The following NELL2 variants were observed in gnomAD, a reference collection of about 807,000 sequenced individuals.
NELL2 encodes the protein protein kinase C-binding protein NELL2.
A neutral mutation model predicts 109.6 loss-of-function variants in NELL2; 41 were observed. The observed-to-expected ratio is 0.37, with a 90% CI of 0.29 to 0.49. The LOEUF (loss-of-function observed/expected upper bound fraction) is 0.49, where lower values mean the gene tolerates loss of function less well. Among genes scored for constraint, NELL2 ranks in the 20% least tolerant of loss-of-function variants. NELL2 has a pLI of 0.98. For synonymous variants in NELL2, 355 were observed against 344.7 expected, an observed-to-expected ratio of 1.03 and a Z score of -0.33; for missense variants, 900 against 1,008.3, an observed-to-expected ratio of 0.89 and a Z score of 1.45.
At chr12:44,646,197 C>G (rs999973512) in intron 13 of NELL2, among the ~76,000 whole-genome samples, 1 of 152,080 alleles carries the variant, frequency 6.6e-6, no homozygotes, top group African/African-American at 2.4e-5. Context: ...CTCATCTAAT[C>G]CTTACAGCAA....
intron 15 of NELL2, among the ~76,000 whole-genome samples, chr12:44,533,010 C>T (rs1429304105): frequency 6.6e-6 from 1 of 152,158 alleles, no homozygotes; most frequent in Admixed American, 6.5e-5. Context: ...AATATTTTAG[C>T]TCTTCTAGAC....
At chr12:44,729,607 A>T (rs1939262303) in intron 9 of NELL2, among the ~76,000 whole-genome samples, 1 of 151,514 alleles carries the variant, frequency 6.6e-6, no homozygotes, top group Non-Finnish European at 1.5e-5. Context: ...CTGTCTACAA[A>T]AGACTTACCT....
chr12:44,808,316 G>C (rs1176903070), intron 3 of NELL2, among the ~76,000 whole-genome samples: 2 of 151,934 alleles, frequency 1.3e-5, no homozygotes, highest in African/African-American at 4.8e-5. Context: ...ATTATGATGA[G>C]AAATTCCATT....
chr12:44,815,296 G>A (rs1257143008), intron 3 of NELL2, among the ~76,000 whole-genome samples: 1 of 152,148 alleles, frequency 6.6e-6, no homozygotes, highest in Non-Finnish European at 1.5e-5. Context: ...AGCTGTCACT[G>A]CTGCCAACTA....
chr12:44,834,357 A>T (rs1943980562), intron 2 of NELL2, among the ~76,000 whole-genome samples: 1 of 151,740 alleles, frequency 6.6e-6, no homozygotes, highest in Non-Finnish European at 1.5e-5. Context: ...TATAGTAAAG[A>T]TATAAATACA....
intron 15 of NELL2, among the ~76,000 whole-genome samples, chr12:44,547,738 A>T (rs1474390306): frequency 6.6e-6 from 1 of 152,078 alleles, no homozygotes. Context: ...CTCATCTCCC[A>T]TTGTACCCCT....
intron 2 of NELL2, chr12:44,851,798 C>A (rs982486046): frequency 1.3e-5 from 2 of 152,134 alleles, no homozygotes; most frequent in Admixed American, 6.6e-5. Flanking sequence ...TCTGTACCAG[C>A]GAGACCAAGT....
intron 19 of NELL2, 140 bp downstream of exon 19, chr12:44,519,865 G>T (rs2138978616): frequency 1.4e-6 from 1 of 730,030 alleles, no homozygotes; most frequent in Non-Finnish European, 2.3e-6. Context: ...CAGCTGAGTG[G>T]CATTCCGCCC....
intron 9 of NELL2, among the ~76,000 whole-genome samples, chr12:44,738,682 G>A (rs1318425348): frequency 1.3e-5 from 2 of 152,160 alleles, no homozygotes; most frequent in African/African-American, 4.8e-5. Flanking sequence ...GGAATGAAAG[G>A]ATGTTGGTCA....
chr12:44,873,450 C>G (rs1407987718), intron 2 of NELL2, among the ~76,000 whole-genome samples: 1 of 152,052 alleles, frequency 6.6e-6, no homozygotes, highest in African/African-American at 2.4e-5. Context: ...ATTCCTGAGA[C>G]TATTTCCTAA....
At chr12:44,897,375 C>A (rs1442260021) in intron 1 of NELL2, among the ~76,000 whole-genome samples, 1 of 152,088 alleles carries the variant, frequency 6.6e-6, no homozygotes, top group East Asian at 1.9e-4. Flanking sequence ...CCAGCAAGAC[C>A]AACACAGAAG....
At chr12:44,744,625 A>G (rs1940213645) in intron 9 of NELL2, among the ~76,000 whole-genome samples, 1 of 152,168 alleles carries the variant, frequency 6.6e-6, no homozygotes, top group African/African-American at 2.4e-5. Flanking sequence ...GGATATCACC[A>G]CTGATCCCAC....
intron 1 of NELL2, among the ~76,000 whole-genome samples, chr12:44,887,866 G>A (rs1306424473): frequency 2.0e-5 from 3 of 151,836 alleles, no homozygotes; most frequent in Non-Finnish European, 4.4e-5. Context: ...ATTTTGCTTT[G>A]GTTCTCTGTG....
intron 9 of NELL2, among the ~76,000 whole-genome samples, chr12:44,740,769 AT>A (rs1359272474): frequency 6.6e-6 from 1 of 152,120 alleles, no homozygotes; most frequent in Non-Finnish European, 1.5e-5. Flanking sequence ...TACAAGTCCC[AT>A]TTTTCTGTAT....
At position 44,798,886 on chromosome 12, in the gene NELL2, C is replaced by T. The variant is rs146559057; in HGVS notation, c.335+17100G>A. 5.5e-3 allele frequency among the ~76,000 whole-genome samples: 811 copies of T among 147,952 alleles called. 7 individuals carry two copies. The highest frequency in any genetic ancestry group is 0.019 in the African/African-American group (770 of 40,010). Reference sequence around the variant, plus strand: ...GAGAAAAAAACAGCTGTTTAAAAAACTGTGAGGGATCAGTTGGCTATTCAT... The same window carrying T: ...GAGAAAAAAACAGCTGTTTAAAAAATTGTGAGGGATCAGTTGGCTATTCAT... On this transcript the variant is annotated intron_variant, in intron 3 of 19. Transcript: ENST00000429094.
At position 44,776,010 on chromosome 12, in the gene NELL2, T is replaced by C. The variant is rs764364311; in HGVS notation, c.891+12A>G. 134 of 1,610,012 alleles carry C rather than the reference T, an allele frequency of 8.3e-5. No homozygotes were observed. Among genetic ancestry groups the C allele is most frequent in the Non-Finnish European group, 1.1e-4 (128 of 1,178,842 alleles). On this transcript the variant is annotated intron_variant, in intron 8 of 19. Transcript: ENST00000429094. Reference sequence around the variant, plus strand: ...TGAGTTCCCTTAGTCTCAACTCAAATAGAAGCCATACCAGGCATGTGCAGT... The same window carrying C: ...TGAGTTCCCTTAGTCTCAACTCAAACAGAAGCCATACCAGGCATGTGCAGT...
chr12:44,607,187 C>T lies in NELL2; in HGVS notation c.1645G>A (p.Gly549Arg). The change falls in exon 15 of 20, where the codon GGA becomes AGA. Residue 549 changes from glycine (G) to arginine (R), a missense_variant. By Grantham distance (125) the Gly-to-Arg change is moderately radical. Coordinates refer to ENST00000429094, the MANE Select transcript of NELL2 (RefSeq NM_001145108.2). ...TTCTTACCCGTTTCACAGCTGGGTCCAGTGAAGCCTTGTGGGCAGGCACAC... is the reference window on the plus strand; with the variant it reads ...TTCTTACCCGTTTCACAGCTGGGTCTAGTGAAGCCTTGTGGGCAGGCACAC... ...NVCACPQGFT[G>R]PSCETDIDEC... The T allele has an allele frequency of 6.2e-7, 1 of 1,612,258 alleles. No homozygotes were observed. The highest frequency in any genetic ancestry group is 1.1e-5 in the South Asian group (1 of 90,902).
At chr12:44,511,753 A>G (rs1391578473) in intron 19 of NELL2, among the ~76,000 whole-genome samples, 1 of 152,176 alleles carries the variant, frequency 6.6e-6, no homozygotes, top group African/African-American at 2.4e-5. Context: ...TGTCCTTCTA[A>G]GATATAAAGG....
chr12:44,730,720 T>C (rs80301245), intron 9 of NELL2, among the ~76,000 whole-genome samples: 3,750 of 151,616 alleles, frequency 0.025, 156 homozygotes, highest in African/African-American at 0.085. Context: ...CTCAAGGAAC[T>C]AGAAAAAGAA....
Sources: allele counts gnomAD v4.1 joint callset (sites outside exome capture counted in the v4.1 genomes callset), GRCh38; gene constraint gnomAD v4.1.1; transcripts MANE v1.5; gene names NCBI Gene and HGNC (gene_info 2026-07-23, HGNC 2026-07-21).